Variants in B3GALT1 observed in about 807,000 individuals in gnomAD.
B3GALT1 encodes the protein UDP-Gal:betaGlcNAc beta 1,3-galactosyltransferase, polypeptide 1.
A neutral mutation model predicts 23.2 loss-of-function variants in B3GALT1; 10 were observed. The observed-to-expected ratio is 0.43, with a 90% CI of 0.27 to 0.73. B3GALT1 has a LOEUF of 0.73. Ranked by LOEUF, B3GALT1 falls within the 30% of genes least tolerant of loss-of-function variation. The pLI, the probability that B3GALT1 is intolerant of heterozygous loss-of-function variation, is 0.21. For missense variants in B3GALT1, 299 were observed against 405.4 expected, an observed-to-expected ratio of 0.74 and a Z score of 2.25; for synonymous variants, 156 against 141.5, an observed-to-expected ratio of 1.10 and a Z score of -0.73.
intron 1 of B3GALT1, among the ~76,000 whole-genome samples, chr2:167,379,442 C>T (rs1367279285): frequency 6.6e-6 from 1 of 151,774 alleles, no homozygotes; most frequent in Non-Finnish European, 1.5e-5. Context: ...TTCCTTTTTC[C>T]CCATTCTCTA....
chr2:167,396,081 T>G (rs988401766), intron 1 of B3GALT1, among the ~76,000 whole-genome samples: 7 of 152,164 alleles, frequency 4.6e-5, no homozygotes, highest in Non-Finnish European at 8.8e-5. Flanking sequence ...CTTCAATTCT[T>G]AGTTTCCCTG....
intron 1 of B3GALT1, among the ~76,000 whole-genome samples, chr2:167,339,144 A>T (rs1697107906): frequency 6.6e-6 from 1 of 152,210 alleles, no homozygotes; most frequent in South Asian, 2.1e-4. Context: ...GTGGAAGAAG[A>T]AACTCACATA....
intron 2 of B3GALT1, among the ~76,000 whole-genome samples, chr2:167,496,248 C>T (rs1247360120): frequency 6.6e-6 from 1 of 152,096 alleles, no homozygotes; most frequent in East Asian, 1.9e-4. Context: ...AGTGGGTGCC[C>T]ATGAGGCTGG....
intron 1 of B3GALT1, among the ~76,000 whole-genome samples, chr2:167,465,993 A>G (rs1699338866): frequency 6.6e-6 from 1 of 152,080 alleles, no homozygotes. Flanking sequence ...TGCTGCTTCT[A>G]AGTCAGTCAC....
At chr2:167,798,122 C>A (rs1688574327) in intron 3 of B3GALT1, among the ~76,000 whole-genome samples, 1 of 152,156 alleles carries the variant, frequency 6.6e-6, no homozygotes, top group African/African-American at 2.4e-5. Flanking sequence ...GTCCTTTGCC[C>A]ACTTTTTAAT....
intron 1 of B3GALT1, among the ~76,000 whole-genome samples, chr2:167,381,619 C>T (rs939263626): frequency 2.0e-5 from 3 of 152,128 alleles, no homozygotes; most frequent in African/African-American, 7.2e-5. Context: ...TACCTAAATG[C>T]TGTATTATAC....
At chr2:167,737,971 T>C (rs13423501) in intron 3 of B3GALT1, among the ~76,000 whole-genome samples, 28,425 of 152,170 alleles carry the variant, frequency 0.19, 2,743 homozygotes, top group South Asian at 0.21. Context: ...AGCCGTAAAC[T>C]GACAAATAAA....
At chr2:167,326,995 A>T (rs908907902) in intron 1 of B3GALT1, among the ~76,000 whole-genome samples, 2 of 152,076 alleles carry the variant, frequency 1.3e-5, no homozygotes. Flanking sequence ...TGGCCGCAGT[A>T]CCATTTATTG....
At chr2:167,667,250 CT>C (rs1686216063) in intron 3 of B3GALT1, among the ~76,000 whole-genome samples, 2 of 152,246 alleles carry the variant, frequency 1.3e-5, no homozygotes, top group Middle Eastern at 6.8e-3. Flanking sequence ...GTTGAAAATT[CT>C]TTTCTTTAAG....
At chr2:167,419,046 C>T (rs1412832283) in intron 1 of B3GALT1, among the ~76,000 whole-genome samples, 2 of 151,786 alleles carry the variant, frequency 1.3e-5, no homozygotes, top group Non-Finnish European at 2.9e-5. Context: ...TTTTACTATA[C>T]CAGAAAAAAA....
At chr2:167,420,276 C>G (rs1387946367) in intron 1 of B3GALT1, among the ~76,000 whole-genome samples, 3 of 152,210 alleles carry the variant, frequency 2.0e-5, no homozygotes, top group Admixed American at 1.3e-4. Flanking sequence ...ATAAGACCCA[C>G]TGAAGCTCAA....
At chr2:167,553,916 A>T (rs1319024788) in intron 2 of B3GALT1, among the ~76,000 whole-genome samples, 1 of 152,226 alleles carries the variant, frequency 6.6e-6, no homozygotes, top group African/African-American at 2.4e-5. Context: ...AGGCATAATT[A>T]TATGGTACAT....
intron 3 of B3GALT1, among the ~76,000 whole-genome samples, chr2:167,669,105 A>G (rs919218218): frequency 5.9e-5 from 9 of 152,074 alleles, no homozygotes; most frequent in African/African-American, 2.2e-4. Context: ...CTTCTAATAT[A>G]TTAATTCCTT....
chr2:167,836,085 A>C (rs985776899), intron 4 of B3GALT1, among the ~76,000 whole-genome samples: 10 of 152,184 alleles, frequency 6.6e-5, no homozygotes, highest in African/African-American at 2.4e-4. Context: ...ATGGGGAAAA[A>C]ACAGAGCAGA....
In B3GALT1 at chr2:167,299,842, CAT is replaced by C. The variant is rs549729950; in HGVS notation, c.-511+6517_-511+6518del. On this transcript the variant is annotated intron_variant, in intron 1 of 4. Coordinates refer to ENST00000392690, the MANE Select transcript of B3GALT1 (RefSeq NM_020981.4). ...TCCATATATATGTATTATTTATAAA[CAT>C]ATATATATGTGGAATTTATATAACA... is the stretch of plus-strand genomic sequence containing the variant. Among the ~76,000 whole-genome samples the C allele has an allele frequency of 1.1e-4, 17 of 151,064 alleles. No individual in the cohort carries two copies. In the East Asian group the frequency reaches 1.4e-3, roughly 12 times the overall value.
intron 2 of B3GALT1, among the ~76,000 whole-genome samples, chr2:167,492,877 A>ATATGTGTG (rs71395280): frequency 3.4e-5 from 5 of 149,090 alleles, no homozygotes; most frequent in African/African-American, 1.2e-4. Context: ...GTATTTAGAG[A>ATATGTGTG]TGTGTGTGTG....
At position 167,700,964 on chromosome 2, in the gene B3GALT1, C is replaced by G. The variant is rs1356365151; in HGVS notation, c.-352+53998C>G. Reference sequence around the variant, plus strand: ...CTTTCTCAGAACCAAGATCCTAACACCTGCCCTCGTAATAATAGTAACTTC... The same window carrying G: ...CTTTCTCAGAACCAAGATCCTAACAGCTGCCCTCGTAATAATAGTAACTTC... On this transcript the variant is annotated intron_variant, in intron 3 of 4. Transcript: ENST00000392690. 2.6e-5 allele frequency among the ~76,000 whole-genome samples: 4 copies of G among 152,308 alleles called. No individual in the cohort carries two copies. In the East Asian group the frequency reaches 7.7e-4, roughly 29 times the overall value.
chr2:167,759,077 C>A (rs1687862069), intron 3 of B3GALT1, among the ~76,000 whole-genome samples: 1 of 152,192 alleles, frequency 6.6e-6, no homozygotes, highest in South Asian at 2.1e-4. Flanking sequence ...TAAAGACAAG[C>A]ACAAACCAGA....
At chr2:167,476,155 T>C (rs1488542629) in intron 1 of B3GALT1, among the ~76,000 whole-genome samples, 2 of 152,160 alleles carry the variant, frequency 1.3e-5, no homozygotes, top group Non-Finnish European at 2.9e-5. Context: ...GGGGGCAGTA[T>C]ATACAATTCA....
Sources: gnomAD v4.1 joint callset for allele counts (sites outside exome capture counted in the v4.1 genomes callset) on GRCh38, gnomAD v4.1.1 for gene constraint, MANE v1.5 for transcripts, NCBI Gene and HGNC (gene_info 2026-07-23, HGNC 2026-07-21) for gene names.